The following GSTM4 variants were observed in gnomAD, a reference collection of about 807,000 sequenced individuals.
The protein encoded by GSTM4 is glutathione S-transferase mu 4, also known as GST class-mu 4.
GSTM4 carries 27 observed loss-of-function variants against 30.1 expected under a neutral mutation model. That is an observed-to-expected ratio of 0.90 (90% confidence interval 0.66 to 1.24). GSTM4 has a LOEUF of 1.24. Among genes scored for constraint, GSTM4 ranks in the 50% most tolerant of loss-of-function variants. GSTM4 has a pLI of 0.00. For missense variants in GSTM4, 238 were observed against 272.1 expected (o/e 0.87, Z 0.88); for synonymous variants, 94 against 96.2 (o/e 0.98, Z 0.13).
chr1:109,656,737 T>C lies in GSTM4; in HGVS notation c.62T>C (p.Leu21Pro). ...CTGGCCCACGCCATCCGCCTGCTCCTGGAATACACAGACTCAAGCTACGAG... is the reference window on the plus strand; with the variant it reads ...CTGGCCCACGCCATCCGCCTGCTCCCGGAATACACAGACTCAAGCTACGAG... ...RGLAHAIRLL[L>P]EYTDSSYEEK... The change falls in exon 2 of 8, where the codon CTG (leucine) becomes CCG (proline). Residue 21 changes from leucine (L) to proline (P), a missense_variant. Coordinates refer to ENST00000369836, the MANE Select transcript of GSTM4 (RefSeq NM_000850.5). 6.2e-7 allele frequency: 1 copy of C among 1,614,040 alleles called. No individual in the cohort carries two copies. The highest frequency in any genetic ancestry group is 8.5e-7 in the Non-Finnish European group (1 of 1,179,968).
intron 2 of GSTM4, 27 bp downstream of exon 2, chr1:109,656,814 T>A: frequency 6.2e-7 from 1 of 1,607,548 alleles, no homozygotes; most frequent in Non-Finnish European, 8.5e-7. Context: ...GTCCGGGCTC[T>A]GCCCACTCAC....
downstream of GSTM4, chr1:109,664,871 C>G: frequency 1.2e-6 from 1 of 818,536 alleles, no homozygotes; most frequent in South Asian, 1.5e-5. Flanking sequence ...GTCCTTGAAT[C>G]TCCTGTATAA....
At chr1:109,657,496 A>T in intron 3 of GSTM4, 94 bp from the exon 4 acceptor site, 1 of 1,559,788 alleles carries the variant, frequency 6.4e-7, no homozygotes, top group Non-Finnish European at 8.8e-7. Flanking sequence ...GGGCACAGTG[A>T]GTGCCTGGTC....
intron 1 of GSTM4, 143 bp from the exon 2 acceptor site, chr1:109,656,569 T>TGG: frequency 1.5e-6 from 1 of 677,788 alleles, no homozygotes; most frequent in African/African-American, 2.8e-5. Context: ...TGTGTGTGTG[T>TGG]GTGTGTGTGT....
chr1:109,657,175 T>G (rs777355128), intron 2 of GSTM4, 40 bp from the exon 3 acceptor site: 1 of 1,606,440 alleles, frequency 6.2e-7, no homozygotes, highest in South Asian at 1.1e-5. Flanking sequence ...AGGGCTGGGC[T>G]CTGGGGAGGT....
downstream of GSTM4, among the ~76,000 whole-genome samples, chr1:109,663,516 A>G (rs1652375734): frequency 6.6e-6 from 1 of 152,050 alleles, no homozygotes; most frequent in Admixed American, 6.6e-5. Context: ...AAATACAAAA[A>G]TCAGCCAGGC....
In GSTM4 at chr1:109,659,006, T is replaced by C; in HGVS notation, c.463T>C (p.Phe155Leu). 1 of 1,614,208 alleles carries C rather than the reference T, an allele frequency of 6.2e-7. No homozygotes were observed. The highest frequency in any genetic ancestry group is 1.1e-5 in the South Asian group (1 of 91,084). Residue 155 changes from phenylalanine to leucine, a missense_variant, in exon 7 of 8, where the codon TTT becomes CTT. Phe to Leu is a conservative substitution (Grantham distance 22). Coordinates refer to ENST00000369836, the MANE Select transcript of GSTM4 (RefSeq NM_000850.5). Reference sequence around the variant, plus strand: ...CATTCTTGGCCTTCTGCAGATCACCTTTGTAGATTTCCTCGCCTATGATGT... The same window carrying C: ...CATTCTTGGCCTTCTGCAGATCACCCTTGTAGATTTCCTCGCCTATGATGT... ...RPWFVGDKIT[F>L]VDFLAYDVLD...
At chr1:109,657,491 C>T in intron 3 of GSTM4, 99 bp from the exon 4 acceptor site, 1 of 1,553,564 alleles carries the variant, frequency 6.4e-7, no homozygotes, top group Non-Finnish European at 8.9e-7. Context: ...TGAGCGGGCA[C>T]AGTGAGTGCC....
At chr1:109,663,140 C>G (rs1036498752), downstream of GSTM4, among the ~76,000 whole-genome samples, 4 of 152,172 alleles carry the variant, frequency 2.6e-5, no homozygotes, top group Non-Finnish European at 4.4e-5. Context: ...AAAGGACACA[C>G]GATCTCATTC....
intron 1 of GSTM4, 98 bp downstream of exon 1, chr1:109,656,523 A>C (rs374575470): frequency 9.8e-6 from 12 of 1,227,932 alleles, no homozygotes; most frequent in African/African-American, 9.7e-5. Context: ...CCTTAGGGCT[A>C]TCTCTCACAG....
downstream of GSTM4, among the ~76,000 whole-genome samples, chr1:109,663,244 A>G (rs1557955331): frequency 6.6e-6 from 1 of 152,190 alleles, no homozygotes; most frequent in African/African-American, 2.4e-5. Context: ...TTGCCTATTG[A>G]AGGCTCCTGG....
rs144109814 is a variant in GSTM4 at position 109,656,663 on chromosome 1, A to G, written c.37-49A>G. The G allele has an allele frequency of 2.4e-3, 3,717 of 1,580,346 alleles. 88 individuals are homozygous for G. In the African/African-American group the frequency reaches 0.041, roughly 17 times the overall value. On this transcript the variant is annotated intron_variant, in intron 1 of 7. Coordinates refer to ENST00000369836, the MANE Select transcript of GSTM4 (RefSeq NM_000850.5). ...TCACCTGGTGCAGAGAAAGTCACCA[A>G]GTCAGGGACCCTCCATCTCTGACAC...
At chr1:109,666,160 G>A (rs367599926), downstream of GSTM4, among the ~76,000 whole-genome samples, 32 of 151,618 alleles carry the variant, frequency 2.1e-4, no homozygotes, top group South Asian at 5.9e-3. Context: ...GTGTGATCAC[G>A]GCTCATTGCA....
rs1315531858 is a variant in GSTM4 at position 109,657,215 on chromosome 1, C to T, written c.113C>T (p.Ala38Val). 5.0e-6 allele frequency: 8 copies of T among 1,612,478 alleles called. No homozygotes were observed. Among genetic ancestry groups the T allele is most frequent in the Admixed American group, 3.3e-5 (2 of 60,016 alleles). Residue 38 changes from alanine to valine, a missense_variant and splice_region_variant, in exon 3 of 8, where the codon GCT becomes GTT. Transcript: ENST00000369836. ...YEEKKYTMGD[A>V]PDYDRSQWLN... ...TTTCACTTCTTCTTCCCCACGGCAG[C>T]TCCTGACTATGACAGAAGCCAGTGG...
At position 109,657,815 on chromosome 1, in the gene GSTM4, G is replaced by A; in HGVS notation, c.303G>A (p.Glu101=). The A allele has an allele frequency of 1.2e-6, 2 of 1,614,154 alleles. No individual in the cohort carries two copies. Among genetic ancestry groups the A allele is most frequent in the Non-Finnish European group, 1.7e-6 (2 of 1,180,030 alleles). Residue 101 remains glutamate, a synonymous_variant, in exon 5 of 8, where the codon GAG becomes GAA. Coordinates refer to ENST00000369836, the MANE Select transcript of GSTM4 (RefSeq NM_000850.5). The stretch of plus-strand genomic sequence containing the variant: ...AGAAGATTCGTGTGGACATTTTGGA[G>A]AACCAGGCTATGGACGTCTCCAATC... The part of the protein sequence containing the change: ...EEEKIRVDIL[E]NQAMDVSNQL...
rs1263058839 is a variant in GSTM4 at position 109,659,081 on chromosome 1, A to C, written c.538A>C (p.Asn180His). 6.2e-7 allele frequency: 1 copy of C among 1,614,054 alleles called. No homozygotes were observed. Among genetic ancestry groups the C allele is most frequent in the Non-Finnish European group, 8.5e-7 (1 of 1,180,012 alleles). ...FEPNCLDAFP[N>H]LKDFISRFEG... Reference sequence around the variant, plus strand: ...GCCCAACTGCTTGGACGCCTTTCCAAATCTGAAGGACTTCATCTCCCGCTT... The same window carrying C: ...GCCCAACTGCTTGGACGCCTTTCCACATCTGAAGGACTTCATCTCCCGCTT... Residue 180 changes from asparagine to histidine, a missense_variant, in exon 7 of 8, where the codon AAT (asparagine) becomes CAT (histidine). Transcript: ENST00000369836.
downstream of GSTM4, chr1:109,661,708 T>TG (rs1178915967): frequency 9.4e-7 from 1 of 1,065,836 alleles, no homozygotes; most frequent in African/African-American, 1.7e-5. Context: ...ACATTTGCTA[T>TG]AGTCTTGTCT....
Position 109,660,876 on chromosome 1 carries a change from G to C in GSTM4, c.568-289G>C. 1.1e-5 allele frequency: 5 copies of C among 445,524 alleles called. No individual in the cohort carries two copies. The South Asian group carries it at 1.3e-4, about 12-fold the overall frequency. The allele number at this position is 445,524 out of a possible 1,614,324, so 27.6% of individuals were successfully genotyped here. On this transcript the variant is annotated intron_variant, in intron 7 of 7. Transcript: ENST00000369836. The stretch of plus-strand genomic sequence containing the variant: ...AGATTCAGCCTTGCAGAGTAGTCGA[G>C]TGGGTTTTCTAAGCTTATGTTGTAA...
chr1:109,658,679 A>G (rs758674004), intron 5 of GSTM4, 135 bp from the exon 6 acceptor site: 1 of 716,894 alleles, frequency 1.4e-6, no homozygotes, highest in Non-Finnish European at 2.5e-6. Flanking sequence ...TGGTATGTCC[A>G]GCTGAAGCCA....
Sources: allele counts gnomAD v4.1 joint callset (sites outside exome capture counted in the v4.1 genomes callset), GRCh38; gene constraint gnomAD v4.1.1; transcripts MANE v1.5; gene names NCBI Gene and HGNC (gene_info 2026-07-23, HGNC 2026-07-21).